Variants in TMED8 observed in about 807,000 individuals in gnomAD.
TMED8 encodes the protein transmembrane p24 trafficking protein family member 8, also known as protein TMED8.
A neutral mutation model predicts 32.7 loss-of-function variants in TMED8; 15 were observed. The observed-to-expected ratio is 0.46, with a 90% confidence interval of 0.31 to 0.71. The LOEUF (loss-of-function observed/expected upper bound fraction) is 0.71. Ranked by LOEUF, TMED8 falls within the 30% of genes least tolerant of loss-of-function variation. The pLI, the probability that TMED8 is intolerant of heterozygous loss-of-function variation, is 0.06. For missense variants in TMED8, 390 were observed against 423.9 expected (o/e 0.92, Z 0.70); for synonymous variants, 147 against 161.4 (o/e 0.91, Z 0.68).
intron 1 of TMED8, among the ~76,000 whole-genome samples, chr14:77,367,140 GCTGGGGC>G (rs1442498468): frequency 2.7e-5 from 4 of 150,846 alleles, no homozygotes; most frequent in Middle Eastern, 6.8e-3. Flanking sequence ...TACTTGGGAG[GCTGGGGC>G]AGGAGAATCG....
rs921910243 is a variant in TMED8 at position 77,338,516 on chromosome 14, T to C, written c.*3255A>G. 1.3e-5 allele frequency: 2 copies of C among 152,278 alleles called. No individual in the cohort carries two copies. The highest frequency in any genetic ancestry group is 2.9e-5 in the Non-Finnish European group (2 of 68,058). The allele number at this position is 152,278 out of a possible 1,614,324, so 9.4% of individuals were successfully genotyped here. A position where few individuals can be genotyped will look rare whatever the true frequency, so the allele number is the denominator to read the frequency against. On this transcript the variant is annotated 3_prime_UTR_variant, in exon 6 of 6. Coordinates refer to ENST00000216468, the MANE Select transcript of TMED8 (RefSeq NM_213601.3). Reference sequence around the variant, plus strand: ...TCAACCAACTGCCAGTCAGGAACTCTTTGATCTACCTCTGACCTGGAAACC... The same window carrying C: ...TCAACCAACTGCCAGTCAGGAACTCCTTGATCTACCTCTGACCTGGAAACC...
chr14:77,335,357 G>A lies in TMED8; in HGVS notation c.*6414C>T, dbSNP rs952491956. ...GCTGACCATAATAAATGATTAGTTG[G>A]GATACTTTTGTATTTTAAAGAAAAA... On this transcript the variant is annotated 3_prime_UTR_variant, in exon 6 of 6. Coordinates refer to ENST00000216468, the MANE Select transcript of TMED8 (RefSeq NM_213601.3). 1 of 152,088 alleles carries A rather than the reference G, an allele frequency of 6.6e-6. No individual in the cohort carries two copies. The highest frequency in any genetic ancestry group is 1.5e-5 in the Non-Finnish European group (1 of 68,020). The allele number at this position is 152,088 out of a possible 1,614,324, so 9.4% of individuals were successfully genotyped here. A position where few individuals can be genotyped will look rare whatever the true frequency, so the allele number is the denominator to read the frequency against.
chr14:77,374,766 G>T (rs1437766769), intron 1 of TMED8, among the ~76,000 whole-genome samples: 1 of 152,178 alleles, frequency 6.6e-6, no homozygotes, highest in Admixed American at 6.5e-5. Context: ...AGGTTTCTTA[G>T]TAGATAAAGA....
intron 1 of TMED8, among the ~76,000 whole-genome samples, chr14:77,363,626 C>G (rs1893487276): frequency 1.3e-5 from 2 of 152,002 alleles, no homozygotes; most frequent in South Asian, 4.2e-4. Flanking sequence ...TGCACTCCAG[C>G]CTGGGTGACA....
At chr14:77,361,732 T>C (rs1268678087) in intron 1 of TMED8, among the ~76,000 whole-genome samples, 1 of 152,190 alleles carries the variant, frequency 6.6e-6, no homozygotes, top group African/African-American at 2.4e-5. Flanking sequence ...TGTGTCTTCT[T>C]AATTTCTTTC....
intron 1 of TMED8, among the ~76,000 whole-genome samples, chr14:77,355,023 G>A (rs1161552084): frequency 1.1e-4 from 17 of 151,794 alleles, no homozygotes; most frequent in Admixed American, 9.8e-4. Context: ...GGGCTCAAGC[G>A]GTCCTCCCAC....
Position 77,376,899 on chromosome 14 carries a change from G to A in TMED8, c.118+37C>T. The A allele has an allele frequency of 7.7e-7, 1 of 1,300,360 alleles. No homozygotes were observed. Among genetic ancestry groups the A allele is most frequent in the Non-Finnish European group, 1.0e-6 (1 of 993,052 alleles). The allele number at this position is 1,300,360 out of a possible 1,614,324, so 80.6% of individuals were successfully genotyped here. ...GCCGTGGTGCGGGGCCCTGAGGCCG[G>A]GCGGCACCCACCCGCCAGCGCCCCG... is the stretch of plus-strand genomic sequence containing the variant. On this transcript the variant is annotated intron_variant, in intron 1 of 5. Transcript: ENST00000216468. The surrounding 1 kb of genome is among the most constrained non-coding windows in gnomAD (Gnocchi z 4.0).
intron 1 of TMED8, among the ~76,000 whole-genome samples, chr14:77,369,209 CAT>C (rs1372707104): frequency 2.0e-5 from 3 of 152,208 alleles, no homozygotes; most frequent in Non-Finnish European, 4.4e-5. Flanking sequence ...TCCGTATAAA[CAT>C]GTTTCTAAGC....
intron 1 of TMED8, among the ~76,000 whole-genome samples, chr14:77,366,185 G>C (rs1025145229): frequency 6.6e-6 from 1 of 152,152 alleles, no homozygotes; most frequent in Non-Finnish European, 1.5e-5. Flanking sequence ...AAGTATATTT[G>C]CAAGTTATTT....
intron 1 of TMED8, among the ~76,000 whole-genome samples, chr14:77,373,060 G>C (rs1042416093): frequency 2.1e-5 from 3 of 140,550 alleles, no homozygotes; most frequent in Non-Finnish European, 4.6e-5. Flanking sequence ...CTGCCTCCTG[G>C]GTTCAAGTGA....
intron 1 of TMED8, chr14:77,359,827 G>A (rs574053954): frequency 1.7e-4 from 33 of 189,730 alleles, no homozygotes; most frequent in Non-Finnish European, 3.5e-4. Flanking sequence ...ATCATCATGG[G>A]CACTCTGACA....
At chr14:77,364,917 G>C (rs1426770884) in intron 1 of TMED8, among the ~76,000 whole-genome samples, 1 of 152,076 alleles carries the variant, frequency 6.6e-6, no homozygotes, top group Non-Finnish European at 1.5e-5. Context: ...TCTATAGATA[G>C]AACACGATGA....
rs917419266 is a variant in TMED8 at position 77,377,058 on chromosome 14, A to G, written c.-5T>C. On this transcript the variant is annotated 5_prime_UTR_variant, in exon 1 of 6. Transcript: ENST00000216468. ...AGCCGCCTGCAGGTCAGACATCTGC[A>G]GCCCGCGCACGGAGCTCTCCGCTGC... 2.9e-6 allele frequency: 4 copies of G among 1,360,004 alleles called. No homozygotes were observed. The highest frequency in any genetic ancestry group is 3.1e-5 in the African/African-American group (2 of 64,874). The allele number at this position is 1,360,004 out of a possible 1,614,324, so 84.2% of individuals were successfully genotyped here.
intron 1 of TMED8, among the ~76,000 whole-genome samples, chr14:77,371,330 C>T (rs1472313878): frequency 6.6e-6 from 1 of 152,194 alleles, no homozygotes; most frequent in South Asian, 2.1e-4. Flanking sequence ...AGTGAGTTAG[C>T]AAACTACCAA....
chr14:77,366,437 C>G (rs548346851), intron 1 of TMED8, among the ~76,000 whole-genome samples: 2 of 152,354 alleles, frequency 1.3e-5, no homozygotes, highest in Admixed American at 6.5e-5. Context: ...GGCAGCCAAA[C>G]AGCCAAGTTG....
At chr14:77,365,895 T>C (rs534225036) in intron 1 of TMED8, among the ~76,000 whole-genome samples, 2 of 152,228 alleles carry the variant, frequency 1.3e-5, no homozygotes, top group Admixed American at 6.5e-5. Flanking sequence ...CGAGATCAGA[T>C]AGGAGGCCTC....
chr14:77,349,329 G>C (rs1225183626), intron 2 of TMED8, among the ~76,000 whole-genome samples: 1 of 151,844 alleles, frequency 6.6e-6, no homozygotes, highest in African/African-American at 2.4e-5. Context: ...TGTTGGCCAG[G>C]GTGGTCTCAA....
At chr14:77,365,596 A>T (rs1245493949) in intron 1 of TMED8, among the ~76,000 whole-genome samples, 1 of 152,224 alleles carries the variant, frequency 6.6e-6, no homozygotes, top group Non-Finnish European at 1.5e-5. Flanking sequence ...GTGTGGCTGG[A>T]GGCCACTGCA....
intron 1 of TMED8, among the ~76,000 whole-genome samples, chr14:77,364,462 C>A (rs1285479728): frequency 6.6e-6 from 1 of 152,080 alleles, no homozygotes; most frequent in Non-Finnish European, 1.5e-5. Context: ...CCAGGCTGGT[C>A]TCAAACTCCT....
Sources: gnomAD v4.1 joint callset for allele counts (sites outside exome capture counted in the v4.1 genomes callset) on GRCh38, gnomAD v4.1.1 for gene constraint, Gnocchi (gnomAD v3.1) non-coding constraint, MANE v1.5 for transcripts, NCBI Gene and HGNC (gene_info 2026-07-23, HGNC 2026-07-21) for gene names.